PLPP5: variants seen among roughly 807,000 people sequenced by gnomAD.
The protein encoded by PLPP5 is phospholipid phosphatase 5.
A neutral mutation model predicts 23.6 loss-of-function variants in PLPP5; 29 were observed. That is an observed-to-expected ratio of 1.23 (90% CI 0.92 to 1.68). The LOEUF (loss-of-function observed/expected upper bound fraction) is 1.68, where lower values mean the gene tolerates loss of function less well. PLPP5 is among the 40% of genes most tolerant of loss of function. PLPP5 has a pLI of 0.00. For synonymous variants in PLPP5, 143 were observed against 131.3 expected (o/e 1.09, Z -0.61); for missense variants, 315 against 332.1 (o/e 0.95, Z 0.40).
intron 6 of PLPP5, chr8:38,265,207 A>G (rs1807400266): frequency 2.9e-6 from 1 of 341,902 alleles, no homozygotes; most frequent in African/African-American, 2.3e-5. Flanking sequence ...TGGAGGTTGC[A>G]GTGAGCCGAG....
intron 2 of PLPP5, 47 bp from the exon 3 acceptor site, chr8:38,268,508 ACT>A: frequency 6.5e-7 from 1 of 1,545,640 alleles, no homozygotes; most frequent in Non-Finnish European, 8.7e-7. Flanking sequence ...AAAAAGCCAC[ACT>A]CGTGCTCCTA....
Position 38,268,894 on chromosome 8 carries a change from G to A in PLPP5, c.171C>T (p.Thr57=), listed in dbSNP as rs766722699. The A allele has an allele frequency of 7.1e-6, 11 of 1,551,094 alleles. No homozygotes were observed. The African/African-American group carries it at 1.5e-4, about 22-fold the overall frequency. Reference sequence around the variant, plus strand: ...TTTCTCCACGCACAAACATCGGCTTGGTGGGGAAATACTCCGCCTCCACGT... The same window carrying A: ...TTTCTCCACGCACAAACATCGGCTTAGTGGGGAAATACTCCGCCTCCACGT... ...NPYVEAEYFP[T]KPMFVIAFLS... Residue 57 remains threonine (T), a synonymous_variant, in exon 2 of 7, where the codon ACC becomes ACT. Coordinates refer to ENST00000424479, the MANE Select transcript of PLPP5 (RefSeq NM_001102559.2).
Position 38,268,910 on chromosome 8 carries a change from G to A in PLPP5, c.155C>T (p.Ala52Val), listed in dbSNP as rs768566801. The change falls in exon 2 of 7, where the codon GCG becomes GTG. Residue 52 changes from alanine to valine, a missense_variant. Transcript: ENST00000424479. ...MWLYRNPYVE[A>V]EYFPTKPMFV... Reference sequence around the variant, plus strand: ...CATCGGCTTGGTGGGGAAATACTCCGCCTCCACGTAGGGGTTCCGGTAGAG... The same window carrying A: ...CATCGGCTTGGTGGGGAAATACTCCACCTCCACGTAGGGGTTCCGGTAGAG... The A allele has an allele frequency of 1.3e-6, 2 of 1,556,642 alleles. No homozygotes were observed. The highest frequency in any genetic ancestry group is 2.4e-5 in the South Asian group (2 of 83,990).
At chr8:38,266,364 T>C in intron 5 of PLPP5, 53 bp from the exon 6 acceptor site, 1 of 1,498,280 alleles carries the variant, frequency 6.7e-7, no homozygotes, top group Non-Finnish European at 9.2e-7. Flanking sequence ...AGCTACCTCA[T>C]TCATCCCCAC....
In PLPP5 at chr8:38,263,643, G is replaced by T. The variant is rs868406889; in HGVS notation, c.*801C>A. ...AAAAGTGATAAATTACCCTAGATTC[G>T]ACATTTTCCTATTTAAGGCTTGATG... On this transcript the variant is annotated 3_prime_UTR_variant, in exon 7 of 7. Transcript: ENST00000424479. The T allele has an allele frequency of 6.5e-5, 64 of 985,182 alleles. No homozygotes were observed. In the Middle Eastern group the frequency reaches 2.1e-3, roughly 32 times the overall value. The allele number at this position is 985,182 out of a possible 1,614,324, so 61.0% of individuals were successfully genotyped here.
chr8:38,266,765 C>CA (rs1004647101), intron 5 of PLPP5, among the ~76,000 whole-genome samples: 5 of 151,926 alleles, frequency 3.3e-5, no homozygotes, highest in African/African-American at 1.2e-4. Flanking sequence ...GAAAGGGAAA[C>CA]AAAAAGAAAA....
intron 3 of PLPP5, 58 bp downstream of exon 3, chr8:38,268,313 A>G: frequency 6.8e-7 from 1 of 1,460,114 alleles, no homozygotes; most frequent in Non-Finnish European, 9.3e-7. Flanking sequence ...GCTGAATCCC[A>G]CAACGACCTC....
chr8:38,268,147 A>G (rs1807983032), intron 3 of PLPP5, 187 bp from the exon 4 acceptor site: 2 of 1,359,900 alleles, frequency 1.5e-6, no homozygotes, highest in Non-Finnish European at 2.0e-6. Flanking sequence ...GGCCAAAGAC[A>G]TTTCTGAGGT....
At chr8:38,268,173 C>T (rs759099632) in intron 3 of PLPP5, 198 bp downstream of exon 3, 11 of 1,234,020 alleles carry the variant, frequency 8.9e-6, no homozygotes, top group Admixed American at 2.8e-5. Context: ...TAACCCAGTG[C>T]ATTTAGGCAC....
In PLPP5 at chr8:38,263,213, A is replaced by T; in HGVS notation, c.*1231T>A. On this transcript the variant is annotated 3_prime_UTR_variant, in exon 7 of 7. Coordinates refer to ENST00000424479, the MANE Select transcript of PLPP5 (RefSeq NM_001102559.2). The stretch of plus-strand genomic sequence containing the variant: ...ACACATAAAAGACAATGTCATATTT[A>T]AAGTATAATCACAATAAAGAGAAAG... 5.9e-6 allele frequency: 1 copy of T among 170,882 alleles called. No individual in the cohort carries two copies. The highest frequency in any genetic ancestry group is 1.2e-5 in the Non-Finnish European group (1 of 84,994). The allele number at this position is 170,882 out of a possible 1,614,324, so 10.6% of individuals were successfully genotyped here.
intron 6 of PLPP5, chr8:38,264,887 C>G: frequency 6.2e-7 from 1 of 1,612,464 alleles, no homozygotes; most frequent in Non-Finnish European, 8.5e-7. Context: ...TTTTCTAACT[C>G]AGAAGAGTAA....
intron 1 of PLPP5, 63 bp downstream of exon 1, chr8:38,269,062 GC>G: frequency 6.6e-7 from 1 of 1,522,284 alleles, no homozygotes; most frequent in Non-Finnish European, 8.8e-7. Flanking sequence ...CCGACCCGCC[GC>G]CCCGTGCCGC....
chr8:38,267,702 G>T, intron 4 of PLPP5, 195 bp downstream of exon 4: 1 of 655,376 alleles, frequency 1.5e-6, no homozygotes. Flanking sequence ...TGCTGTTCAG[G>T]CAGAAAAGAG....
At position 38,269,224 on chromosome 8, in the gene PLPP5, T is replaced by G; in HGVS notation, c.-25A>C. The G allele has an allele frequency of 6.8e-7, 1 of 1,468,078 alleles. No individual in the cohort carries two copies. The allele number at this position is 1,468,078 out of a possible 1,614,324, so 90.9% of individuals were successfully genotyped here. Reference sequence around the variant, plus strand: ...TCCGGCCGCGAGCTCCGAGCGACGCTGCGCTGACGTGGCCACCTCCGCGGG... The same window carrying G: ...TCCGGCCGCGAGCTCCGAGCGACGCGGCGCTGACGTGGCCACCTCCGCGGG... On this transcript the variant is annotated 5_prime_UTR_variant, in exon 1 of 7. Coordinates refer to ENST00000424479, the MANE Select transcript of PLPP5 (RefSeq NM_001102559.2).
intron 6 of PLPP5, chr8:38,265,045 G>T: frequency 1.2e-6 from 1 of 832,886 alleles, no homozygotes; most frequent in South Asian, 1.4e-5. Context: ...CAGGCAGATG[G>T]ATCCCGAGGT....
Position 38,266,252 on chromosome 8 carries a change from T to C in PLPP5, c.523A>G (p.Thr175Ala), listed in dbSNP as rs1427219188. The change falls in exon 6 of 7, where the codon ACA becomes GCA. Residue 175 changes from threonine to alanine, a missense_variant. By Grantham distance (58) the Thr-to-Ala change is moderately conservative. Transcript: ENST00000424479. ...FYLAGKLHCFTPQGRGKSWRF... is the reference protein window; with the variant it reads ...FYLAGKLHCFAPQGRGKSWRF... ...CAAGATTTCCCACGGCCTTGTGGTG[T>C]GAAGCAGTGTAACTTCCCTGCCAGG... 1.2e-6 allele frequency: 2 copies of C among 1,613,832 alleles called. No homozygotes were observed. Among genetic ancestry groups the C allele is most frequent in the Admixed American group, 3.3e-5 (2 of 59,990 alleles).
In PLPP5 at chr8:38,263,557, T is replaced by C; in HGVS notation, c.*887A>G. On this transcript the variant is annotated 3_prime_UTR_variant, in exon 7 of 7. Transcript: ENST00000424479. ...ACTTAGTAATTCAACAAATTGTTTA[T>C]GCCCACGGTGTTCAAAATGCACAGC... 1.0e-6 allele frequency: 1 copy of C among 985,428 alleles called. No homozygotes were observed. The highest frequency in any genetic ancestry group is 5.2e-4 in the Middle Eastern group (1 of 1,914). 61.0% of individuals were successfully genotyped at this position (985,428 alleles called of 1,614,324 possible). A position where few individuals can be genotyped will look rare whatever the true frequency, so the allele number is the denominator to read the frequency against.
rs572410658 is a variant in PLPP5, at chr8:38,268,583, G to A, written c.184-122C>T. The A allele has an allele frequency of 1.3e-5, 19 of 1,457,430 alleles. No individual in the cohort carries two copies. In the East Asian group the frequency reaches 4.5e-4, roughly 35 times the overall value. 90.3% of individuals were successfully genotyped at this position (1,457,430 alleles called of 1,614,324 possible). ...GCTAACATAAGGTCTCTGAGTGCGC[G>A]TAACCGGGCGCCAGGCAGCGCCACC... On this transcript the variant is annotated intron_variant, in intron 2 of 6. Coordinates refer to ENST00000424479, the MANE Select transcript of PLPP5 (RefSeq NM_001102559.2).
chr8:38,267,987 G>A, intron 3 of PLPP5, 27 bp from the exon 4 acceptor site: 2 of 1,613,970 alleles, frequency 1.2e-6, no homozygotes, highest in Non-Finnish European at 1.7e-6. Context: ...TTAGTTGAAA[G>A]GATCTGTCTA....
Sources: allele counts gnomAD v4.1 joint callset (sites outside exome capture counted in the v4.1 genomes callset), GRCh38; gene constraint gnomAD v4.1.1; transcripts MANE v1.5; gene names NCBI Gene and HGNC (gene_info 2026-07-23, HGNC 2026-07-21).